Variants in CROT observed in about 807,000 individuals in gnomAD.
The protein encoded by CROT is peroxisomal carnitine O-octanoyltransferase.
In CROT, 84 loss-of-function variants were observed where a neutral mutation model predicts 89.2. The ratio of observed to expected loss-of-function variants is 0.94; its 90% CI spans 0.79 to 1.13. The LOEUF is 1.13. CROT is among the 50% of genes most tolerant of loss of function. The pLI is 0.00. For synonymous variants in CROT, 212 were observed against 239.5 expected, an observed-to-expected ratio of 0.89 and a Z score of 1.06; for missense variants, 711 against 727.8, an observed-to-expected ratio of 0.98 and a Z score of 0.27.
chr7:87,372,528 GC>G (rs1806678079), intron 7 of CROT, among the ~76,000 whole-genome samples: 1 of 152,004 alleles, frequency 6.6e-6, no homozygotes, highest in Non-Finnish European at 1.5e-5. Context: ...GACCTATTTT[GC>G]TTGGATAGCA....
intron 10 of CROT, among the ~76,000 whole-genome samples, chr7:87,378,639 T>C (rs258965): frequency 0.92 from 139,583 of 152,236 alleles, 64,208 homozygotes; most frequent in African/African-American, 0.97. Flanking sequence ...AAGGAAATAG[T>C]CAGCTTCTTT....
chr7:87,392,803 G>A lies in CROT; in HGVS notation c.1578G>A (p.Thr526=), dbSNP rs751715884. The A allele has an allele frequency of 2.2e-5, 35 of 1,613,374 alleles. No individual in the cohort carries two copies. The highest frequency in any genetic ancestry group is 3.3e-4 in the Middle Eastern group (2 of 6,084). The change falls in exon 16 of 18, where the codon ACG becomes ACA. Residue 526 remains threonine (T), a synonymous_variant. Transcript: ENST00000331536. ...GTCTTCCTGTTCCAGAACTCTTTAC[G>A]GACCCACTTTTTTCCAAAAGGTAAT... ...EEGLPVPELF[T]DPLFSKSGGG...
At chr7:87,364,011 AGGTAGATTCATGAGGTGGGAAATATT>A (rs1402225794) in intron 6 of CROT, among the ~76,000 whole-genome samples, 2 of 152,226 alleles carry the variant, frequency 1.3e-5, no homozygotes, top group Non-Finnish European at 2.9e-5. Flanking sequence ...GTGGGTACGT[AGGTAGATTCATGAGGTGGGAAATATT>A]GGGAGGAGAT....
At chr7:87,388,115 C>A (rs1295114587) in intron 13 of CROT, among the ~76,000 whole-genome samples, 2 of 152,104 alleles carry the variant, frequency 1.3e-5, no homozygotes, top group African/African-American at 4.8e-5. Context: ...AGGCCTGGAG[C>A]CAAGACTCCA....
chr7:87,382,259 A>G, intron 12 of CROT, 78 bp downstream of exon 12: 2 of 1,432,266 alleles, frequency 1.4e-6, no homozygotes, highest in Non-Finnish European at 1.9e-6. Context: ...GCTGTCATCC[A>G]AGCATGTCTG....
intron 9 of CROT, among the ~76,000 whole-genome samples, chr7:87,376,273 G>A (rs1307498791): frequency 6.6e-6 from 1 of 152,032 alleles, no homozygotes; most frequent in African/African-American, 2.4e-5. Context: ...AGGTTAATGA[G>A]CTTTTCTTGC....
chr7:87,398,607 A>G lies in CROT; in HGVS notation c.1802A>G (p.His601Arg). 2 of 1,613,778 alleles carry G rather than the reference A, an allele frequency of 1.2e-6. No individual in the cohort carries two copies. Among genetic ancestry groups the G allele is most frequent in the Non-Finnish European group, 1.7e-6 (2 of 1,179,872 alleles). ...KLVQLTFCAF[H>R]DMIQLMNSTH... ...GTTCAGCTGACTTTTTGTGCTTTTC[A>G]TGATATGATACAGCTGATGAACTCT... is the stretch of plus-strand genomic sequence containing the variant. Residue 601 changes from histidine to arginine, a missense_variant, in exon 18 of 18, where the codon CAT becomes CGT. Physicochemically the swap from His to Arg is conservative, Grantham distance 29. Coordinates refer to ENST00000331536, the MANE Select transcript of CROT (RefSeq NM_021151.4).
intron 3 of CROT, among the ~76,000 whole-genome samples, chr7:87,358,181 G>C (rs148901039): frequency 0.011 from 1,692 of 152,096 alleles, 21 homozygotes; most frequent in Non-Finnish European, 0.014. Context: ...ATGTGTATTA[G>C]AAAATCCAAG....
intron 10 of CROT, 131 bp from the exon 11 acceptor site, chr7:87,381,779 C>T (rs1051129504): frequency 1.7e-6 from 1 of 590,614 alleles, no homozygotes; most frequent in Admixed American, 3.3e-5. Context: ...ATCATATCCT[C>T]AAGAGGTGAG....
chr7:87,372,007 C>CAAAAAAAAAAAAAAA (rs61300907), intron 7 of CROT, among the ~76,000 whole-genome samples: 3 of 124,000 alleles, frequency 2.4e-5, no homozygotes, highest in Non-Finnish European at 3.3e-5. Context: ...AAAAAAAAAA[C>CAAAAAAAAAAAAAAA]AAAAAAAAAA....
chr7:87,390,850 A>C (rs930702037), intron 13 of CROT, among the ~76,000 whole-genome samples: 37 of 152,246 alleles, frequency 2.4e-4, no homozygotes, highest in Non-Finnish European at 1.3e-4. Flanking sequence ...ATACTTTTTT[A>C]TATCACACAT....
At chr7:87,357,049 G>A (rs1466033871) in intron 3 of CROT, among the ~76,000 whole-genome samples, 1 of 152,094 alleles carries the variant, frequency 6.6e-6, no homozygotes, top group Admixed American at 6.6e-5. Context: ...AACAAATCTT[G>A]TAAGTCCTCA....
chr7:87,377,019 A>G (rs1449205816), intron 9 of CROT, among the ~76,000 whole-genome samples: 1 of 152,146 alleles, frequency 6.6e-6, no homozygotes, highest in Non-Finnish European at 1.5e-5. Context: ...CTAAACTTTT[A>G]TCAAGATCTT....
At position 87,354,434 on chromosome 7, in the gene CROT, T is replaced by G. The variant is rs6465108; in HGVS notation, c.116-4772T>G. ...AGGAAGAGTATATTCAAGGTTATGA[T>G]TATAGCATAGGATTACCTCACTCTT... On this transcript the variant is annotated intron_variant, in intron 3 of 17. Coordinates refer to ENST00000331536, the MANE Select transcript of CROT (RefSeq NM_021151.4). 1,517 of 516,778 alleles carry G rather than the reference T, an allele frequency of 2.9e-3. 17 individuals carry two copies. Among genetic ancestry groups the G allele is most frequent in the African/African-American group, 0.025 (1,313 of 51,996 alleles). The allele number at this position is 516,778 out of a possible 1,614,324, so 32.0% of individuals were successfully genotyped here. A position where few individuals can be genotyped will look rare whatever the true frequency, so the allele number is the denominator to read the frequency against.
intron 3 of CROT, among the ~76,000 whole-genome samples, chr7:87,351,071 G>A (rs574645454): frequency 6.6e-6 from 1 of 152,212 alleles, no homozygotes; most frequent in East Asian, 1.9e-4. Flanking sequence ...CACTTTGGGA[G>A]ACTGAGGCAG....
At position 87,365,117 on chromosome 7, in the gene CROT, T is replaced by A. The variant is rs546052014; in HGVS notation, c.547+3265T>A. The stretch of plus-strand genomic sequence containing the variant: ...ATCAGTGAGGGGCAGGAGGGGCAGG[T>A]GCAAAGGAAGAGGGGCTGAAGGATT... On this transcript the variant is annotated intron_variant, in intron 6 of 17. Transcript: ENST00000331536. Among the ~76,000 whole-genome samples the A allele has an allele frequency of 2.8e-4, 43 of 152,196 alleles. No homozygotes were observed. The South Asian group carries it at 5.4e-3, about 19-fold the overall frequency.
intron 17 of CROT, among the ~76,000 whole-genome samples, chr7:87,397,664 C>G (rs1807581660): frequency 6.6e-6 from 1 of 152,122 alleles, no homozygotes; most frequent in Non-Finnish European, 1.5e-5. Flanking sequence ...GCAGGACTTC[C>G]TAAAGGTTTC....
intron 3 of CROT, among the ~76,000 whole-genome samples, chr7:87,358,211 C>T (rs1167120478): frequency 6.6e-6 from 1 of 152,038 alleles, no homozygotes; most frequent in Non-Finnish European, 1.5e-5. Flanking sequence ...TGCGCAGTGC[C>T]TCACGCCTGT....
intron 3 of CROT, chr7:87,354,522 C>T (rs747200064): frequency 7.1e-6 from 3 of 421,398 alleles, no homozygotes; most frequent in African/African-American, 2.0e-5. Flanking sequence ...GCCAAAAGTA[C>T]AGAATCAAGT....
Sources: allele counts gnomAD v4.1 joint callset (sites outside exome capture counted in the v4.1 genomes callset), GRCh38; gene constraint gnomAD v4.1.1; transcripts MANE v1.5; gene names NCBI Gene and HGNC (gene_info 2026-07-23, HGNC 2026-07-21).